DNMBP: variants seen among roughly 807,000 people sequenced by gnomAD.
DNMBP encodes the protein dynamin binding protein.
A neutral mutation model predicts 150.0 loss-of-function variants in DNMBP; 87 were observed. The ratio of observed to expected loss-of-function variants is 0.58; its 90% CI spans 0.49 to 0.69. The LOEUF (loss-of-function observed/expected upper bound fraction) is 0.69. DNMBP is among the 30% of genes least tolerant of loss of function. The pLI is 0.00. For missense variants in DNMBP, 1,774 were observed against 1,949.0 expected (o/e 0.91, Z 1.69); for synonymous variants, 711 against 750.4 (o/e 0.95, Z 0.86).
At position 99,899,956 on chromosome 10, in the gene DNMBP, T is replaced by A; in HGVS notation, c.2665A>T (p.Ile889Phe). The change falls in exon 7 of 17, where the codon ATC becomes TTC. Residue 889 changes from isoleucine (I) to phenylalanine (F), a missense_variant. Physicochemically the swap from Ile to Phe is conservative, Grantham distance 21. Transcript: ENST00000324109. ...LLEIYEKDEK[I>F]QKHLQDSLAD... ...AAGGAGTCCTGAAGATGCTTCTGGA[T>A]CTTCTCATCCTTCTCGTAGATTTCA... 1 of 1,614,118 alleles carries A rather than the reference T, an allele frequency of 6.2e-7. No homozygotes were observed. Among genetic ancestry groups the A allele is most frequent in the South Asian group, 1.1e-5 (1 of 91,070 alleles).
intron 1 of DNMBP, among the ~76,000 whole-genome samples, chr10:99,981,539 C>T (rs990440875): frequency 6.6e-6 from 1 of 152,170 alleles, no homozygotes; most frequent in Non-Finnish European, 1.5e-5. Context: ...TAAAAAATCT[C>T]CTGAGATCAC....
intron 1 of DNMBP, among the ~76,000 whole-genome samples, chr10:99,993,037 C>G (rs996115339): frequency 1.3e-5 from 2 of 151,710 alleles, no homozygotes; most frequent in African/African-American, 4.8e-5. Context: ...GACCCTGACT[C>G]AACATAAAAA....
rs988850101 is a variant in DNMBP, at chr10:99,936,158, CAATT to C, written c.2260+19052_2260+19055del. On this transcript the variant is annotated intron_variant, in intron 4 of 16. Coordinates refer to ENST00000324109, the MANE Select transcript of DNMBP (RefSeq NM_015221.4). ...AGATAATCAAGAGTTTGTTATAAAA[CAATT>C]GATGATAAAATTAGAGTAATTTTTT... Among the ~76,000 whole-genome samples, 116 of 152,220 alleles carry C rather than the reference CAATT, an allele frequency of 7.6e-4. 1 individual carries two copies. Among genetic ancestry groups the C allele is most frequent in the African/African-American group, 2.8e-3 (115 of 41,526 alleles).
intron 4 of DNMBP, among the ~76,000 whole-genome samples, chr10:99,941,567 C>A (rs2040301125): frequency 6.6e-6 from 1 of 152,014 alleles, no homozygotes; most frequent in Admixed American, 6.6e-5. Flanking sequence ...CTCCCAGATT[C>A]AAGCGGTTCT....
At chr10:99,929,613 GT>G in intron 4 of DNMBP, 1 of 674,992 alleles carries the variant, frequency 1.5e-6, no homozygotes, top group South Asian at 1.6e-5. Context: ...CATACCTTGG[GT>G]TTTCTTGCTG....
intron 14 of DNMBP, among the ~76,000 whole-genome samples, 180 bp downstream of exon 14, chr10:99,885,505 ACT>A (rs1447890459): frequency 3.3e-5 from 5 of 149,872 alleles, no homozygotes; most frequent in East Asian, 1.9e-4. Context: ...ATGAGATGAG[ACT>A]CTGTCTCAAA....
At chr10:99,882,117 G>A (rs751560669) in intron 15 of DNMBP, among the ~76,000 whole-genome samples, 2 of 152,108 alleles carry the variant, frequency 1.3e-5, no homozygotes, top group African/African-American at 2.4e-5. Context: ...TGAGCCAGGC[G>A]CAGAAAGACA....
intron 4 of DNMBP, among the ~76,000 whole-genome samples, chr10:99,916,882 G>A (rs2039970322): frequency 1.3e-5 from 2 of 151,988 alleles, no homozygotes; most frequent in Non-Finnish European, 2.9e-5. Context: ...TGTGCCTGTA[G>A]TGCCAGCTAC....
chr10:99,946,598 A>T (rs746356832), intron 4 of DNMBP, among the ~76,000 whole-genome samples: 48 of 152,236 alleles, frequency 3.2e-4, no homozygotes, highest in Non-Finnish European at 5.4e-4. Context: ...CACCATATAC[A>T]AAAATTAACT....
Position 99,961,635 on chromosome 10 carries a change from C to T in DNMBP, c.269-4430G>A, listed in dbSNP as rs1332641126. Among the ~76,000 whole-genome samples the T allele has an allele frequency of 3.9e-5, 6 of 152,078 alleles. No individual in the cohort carries two copies. In the East Asian group the frequency reaches 1.2e-3, roughly 29 times the overall value. Reference sequence around the variant, plus strand: ...CCATCTCACCCTTTGAAATCTTGTCCCCACGCATTATTTCTTCAAGTCTAC... The same window carrying T: ...CCATCTCACCCTTTGAAATCTTGTCTCCACGCATTATTTCTTCAAGTCTAC... On this transcript the variant is annotated intron_variant, in intron 3 of 16. Transcript: ENST00000324109.
At chr10:99,920,222 C>T (rs567612210) in intron 4 of DNMBP, among the ~76,000 whole-genome samples, 5 of 151,938 alleles carry the variant, frequency 3.3e-5, no homozygotes, top group East Asian at 1.9e-4. Context: ...ATTACAGGCA[C>T]GCGCCACCAC....
At chr10:100,005,358 G>C (rs35193999) in intron 1 of DNMBP, among the ~76,000 whole-genome samples, 42,112 of 152,068 alleles carry the variant, frequency 0.28, 6,050 homozygotes, top group Non-Finnish European at 0.3. Context: ...ACTACACAGA[G>C]AGCAGATAAA....
At position 99,946,433 on chromosome 10, in the gene DNMBP, G is replaced by A. The variant is rs144147400; in HGVS notation, c.2260+8781C>T. ...TAAAGGCATGTAAACCAATGGAACA[G>A]AACAGAAAATCCAGAAATAGAGCTG... On this transcript the variant is annotated intron_variant, in intron 4 of 16. Coordinates refer to ENST00000324109, the MANE Select transcript of DNMBP (RefSeq NM_015221.4). Among the ~76,000 whole-genome samples the A allele has an allele frequency of 5.4e-3, 819 of 152,280 alleles. 15 individuals are homozygous for A. Among genetic ancestry groups the A allele is most frequent in the African/African-American group, 0.019 (788 of 41,568 alleles).
rs745613553 is a variant in DNMBP at position 99,909,180 on chromosome 10, G to C, written c.2261-34C>G. The C allele has an allele frequency of 2.3e-5, 36 of 1,561,836 alleles. No individual in the cohort carries two copies. The East Asian group carries it at 7.4e-4, about 32-fold the overall frequency. On this transcript the variant is annotated intron_variant, in intron 4 of 16. Transcript: ENST00000324109. ...GAAAAGAGAACTGGTTAGCAGCTCT[G>C]GGTGTAAAAGCAGCACCCTTCCACA... is the stretch of plus-strand genomic sequence containing the variant.
chr10:99,975,272 A>G lies in DNMBP; in HGVS notation c.-10-3138T>C, dbSNP rs1042580007. 2.6e-5 allele frequency among the ~76,000 whole-genome samples: 4 copies of G among 152,266 alleles called. No individual in the cohort carries two copies. In the South Asian group the frequency reaches 6.2e-4, roughly 24 times the overall value. On this transcript the variant is annotated intron_variant, in intron 1 of 16. Transcript: ENST00000324109. The stretch of plus-strand genomic sequence containing the variant: ...CTACTCAGGAGGCTGAGGCAGGAGA[A>G]TCACTTCAACCCAGGAGGCGGAGTT...
chr10:99,875,694 CTG>C lies in DNMBP; in HGVS notation c.*1455_*1456del, dbSNP rs1395972470. On this transcript the variant is annotated 3_prime_UTR_variant, in exon 17 of 17. Transcript: ENST00000324109. ...GCCTTCTGACCACGACCAGCAGACA[CTG>C]TGGATGTTAGGACTCCACGGTGTCT... is the stretch of plus-strand genomic sequence containing the variant. The C allele has an allele frequency of 2.0e-5, 3 of 152,104 alleles. No individual in the cohort carries two copies. Among genetic ancestry groups the C allele is most frequent in the African/African-American group, 7.3e-5 (3 of 41,366 alleles). The allele number at this position is 152,104 out of a possible 1,614,324, so 9.4% of individuals were successfully genotyped here. A position where few individuals can be genotyped will look rare whatever the true frequency, so the allele number is the denominator to read the frequency against.
chr10:99,969,447 C>T (rs535214656), intron 2 of DNMBP, among the ~76,000 whole-genome samples: 5 of 152,238 alleles, frequency 3.3e-5, no homozygotes, highest in South Asian at 2.1e-4. Flanking sequence ...CAATTTGGTA[C>T]GCATTTACTG....
chr10:99,962,753 G>A (rs2040578643), intron 3 of DNMBP, among the ~76,000 whole-genome samples: 1 of 152,292 alleles, frequency 6.6e-6, no homozygotes, highest in East Asian at 1.9e-4. Context: ...TGGGCCTCTT[G>A]GTGAAGGGGA....
intron 3 of DNMBP, chr10:99,957,688 T>C (rs2040516927): frequency 5.9e-6 from 1 of 170,052 alleles, no homozygotes; most frequent in South Asian, 1.5e-4. Flanking sequence ...ATTTAAAAAT[T>C]AGCTGTGCAC....
Sources: gnomAD v4.1 joint callset for allele counts (sites outside exome capture counted in the v4.1 genomes callset) on GRCh38, gnomAD v4.1.1 for gene constraint, MANE v1.5 for transcripts, NCBI Gene and HGNC (gene_info 2026-07-23, HGNC 2026-07-21) for gene names.